Variants in PAMR1 observed in about 807,000 individuals in gnomAD.
PAMR1 encodes peptidase domain containing associated with muscle regeneration 1, also known as inactive serine protease PAMR1.
A neutral mutation model predicts 81.8 loss-of-function variants in PAMR1; 88 were observed. That is an observed-to-expected ratio of 1.08 (90% confidence interval 0.91 to 1.28). PAMR1 has a LOEUF of 1.28. Ranked by LOEUF, PAMR1 falls within the 50% of genes most tolerant of loss-of-function variation. PAMR1 has a pLI of 0.00. For synonymous variants in PAMR1, 336 were observed against 345.3 expected, an observed-to-expected ratio of 0.97 and a Z score of 0.30; for missense variants, 935 against 919.7, an observed-to-expected ratio of 1.02 and a Z score of -0.21.
At chr11:35,436,935 A>G (rs537490863) in intron 8 of PAMR1, among the ~76,000 whole-genome samples, 1 of 152,330 alleles carries the variant, frequency 6.6e-6, no homozygotes, top group East Asian at 1.9e-4. Flanking sequence ...TCCAAACATT[A>G]TCATAATGGG....
chr11:35,475,089 G>A (rs1391249468), intron 3 of PAMR1, among the ~76,000 whole-genome samples: 7 of 152,152 alleles, frequency 4.6e-5, no homozygotes, highest in South Asian at 2.1e-4. Context: ...TGTAAAGTTC[G>A]AGCCACCCTA....
chr11:35,458,270 T>G (rs1293678206), intron 6 of PAMR1, among the ~76,000 whole-genome samples: 12 of 152,236 alleles, frequency 7.9e-5, no homozygotes, highest in Non-Finnish European at 1.2e-4. Flanking sequence ...CAGATGAATG[T>G]GTGTTCATTC....
chr11:35,485,819 C>G (rs1285174885), intron 3 of PAMR1, among the ~76,000 whole-genome samples: 2 of 152,012 alleles, frequency 1.3e-5, no homozygotes, highest in African/African-American at 2.4e-5. Context: ...TGCCCAGGCT[C>G]TTCAGAGACA....
chr11:35,446,526 G>A (rs532779025), intron 6 of PAMR1, among the ~76,000 whole-genome samples: 3 of 152,182 alleles, frequency 2.0e-5, no homozygotes, highest in South Asian at 2.1e-4. Flanking sequence ...CAGTGATTCC[G>A]GTATGTTGTC....
chr11:35,496,426 A>T (rs575374557), intron 1 of PAMR1, among the ~76,000 whole-genome samples: 2 of 152,256 alleles, frequency 1.3e-5, no homozygotes, highest in Non-Finnish European at 2.9e-5. Context: ...CATAAAAAAG[A>T]CAACATAGTT....
rs537017104 is a variant in PAMR1, at chr11:35,497,416, T to C, written c.74-3144A>G. ...AAGTAGATTAAAGGTTACCAGGAGC[T>C]GGGGGAAAGCTGAATGGAGAGGTGT... On this transcript the variant is annotated intron_variant, in intron 1 of 10. Coordinates refer to ENST00000619888, the MANE Select transcript of PAMR1 (RefSeq NM_001001991.3). Among the ~76,000 whole-genome samples, 235 of 152,250 alleles carry C rather than the reference T, an allele frequency of 1.5e-3. 1 individual carries two copies. The highest frequency in any genetic ancestry group is 5.4e-3 in the African/African-American group (225 of 41,554).
upstream of PAMR1, among the ~76,000 whole-genome samples, chr11:35,527,875 A>G (rs1349698375): frequency 6.6e-6 from 1 of 152,018 alleles, no homozygotes; most frequent in Admixed American, 6.5e-5. Context: ...CTCCTAAACC[A>G]CCAGGGCCCA....
intron 1 of PAMR1, among the ~76,000 whole-genome samples, chr11:35,515,502 C>T (rs555179710): frequency 1.1e-4 from 17 of 152,314 alleles, no homozygotes; most frequent in East Asian, 7.7e-4. Flanking sequence ...AGCTAGAACA[C>T]GATCAAGGGA....
chr11:35,441,753 T>A, intron 6 of PAMR1, 60 bp from the exon 7 acceptor site: 1 of 1,161,704 alleles, frequency 8.6e-7, no homozygotes, highest in African/African-American at 1.5e-5. Flanking sequence ...CATTTTAGAA[T>A]AGAATCTTTC....
chr11:35,443,547 T>C (rs1170889012), intron 6 of PAMR1, among the ~76,000 whole-genome samples: 4 of 152,214 alleles, frequency 2.6e-5, no homozygotes, highest in African/African-American at 9.7e-5. Context: ...TTTTGTTCCT[T>C]TTTATGGCTG....
At chr11:35,466,532 C>T (rs1343337392) in intron 6 of PAMR1, among the ~76,000 whole-genome samples, 1 of 152,014 alleles carries the variant, frequency 6.6e-6, no homozygotes, top group South Asian at 2.1e-4. Context: ...TCAAGACCAT[C>T]CTGGCTAACA....
chr11:35,525,395 C>T, intron 1 of PAMR1, 118 bp downstream of exon 1: 1 of 806,848 alleles, frequency 1.2e-6, no homozygotes, highest in Non-Finnish European at 2.1e-6. Context: ...ACCCCTCACC[C>T]CAAACACACA....
At chr11:35,433,946 TATTGTAA>T (rs1855975258) in intron 10 of PAMR1, among the ~76,000 whole-genome samples, 1 of 152,194 alleles carries the variant, frequency 6.6e-6, no homozygotes, top group South Asian at 2.1e-4. Flanking sequence ...GACAGACATA[TATTGTAA>T]ATTTGTTAAG....
At position 35,436,154 on chromosome 11, in the gene PAMR1, G is replaced by T; in HGVS notation, c.1101-19C>A. On this transcript the variant is annotated intron_variant, in intron 8 of 10. Coordinates refer to ENST00000619888, the MANE Select transcript of PAMR1 (RefSeq NM_001001991.3). ...TGTCTCCCTGGGTCAGGAAACATGG[G>T]CCCAGAGAAAGAGCAGGGTGAGAGA... 2 of 1,544,664 alleles carry T rather than the reference G, an allele frequency of 1.3e-6. No individual in the cohort carries two copies. Among genetic ancestry groups the T allele is most frequent in the Non-Finnish European group, 1.8e-6 (2 of 1,117,510 alleles).
intron 6 of PAMR1, among the ~76,000 whole-genome samples, chr11:35,456,942 C>T (rs548680361): frequency 6.6e-6 from 1 of 152,244 alleles, no homozygotes; most frequent in South Asian, 2.1e-4. Context: ...ATCAGCAATA[C>T]AGATGATTCA....
chr11:35,492,996 G>A (rs1262843356), intron 2 of PAMR1, among the ~76,000 whole-genome samples: 1 of 152,194 alleles, frequency 6.6e-6, no homozygotes, highest in African/African-American at 2.4e-5. Flanking sequence ...GTCCTCATTT[G>A]TCAAACTGGG....
At chr11:35,454,745 C>T (rs1215094901) in intron 6 of PAMR1, among the ~76,000 whole-genome samples, 1 of 152,152 alleles carries the variant, frequency 6.6e-6, no homozygotes, top group African/African-American at 2.4e-5. Flanking sequence ...CACTCCTAGG[C>T]AGTGAAAAGA....
At chr11:35,462,177 G>T (rs2135368828) in intron 6 of PAMR1, among the ~76,000 whole-genome samples, 1 of 152,280 alleles carries the variant, frequency 6.6e-6, no homozygotes, top group Middle Eastern at 3.4e-3. Context: ...GAGAAAAAGG[G>T]AGGCTGGCCA....
intron 8 of PAMR1, among the ~76,000 whole-genome samples, chr11:35,438,727 A>T (rs1297346407): frequency 6.6e-6 from 1 of 152,246 alleles, no homozygotes; most frequent in Admixed American, 6.5e-5. Flanking sequence ...ATAAACCCTT[A>T]AAAATATGTA....
Sources: allele counts gnomAD v4.1 joint callset (sites outside exome capture counted in the v4.1 genomes callset), GRCh38; gene constraint gnomAD v4.1.1; transcripts MANE v1.5; gene names NCBI Gene and HGNC (gene_info 2026-07-23, HGNC 2026-07-21).